The following BLTP3B variants were observed in gnomAD, a reference collection of about 807,000 sequenced individuals.
BLTP3B encodes the protein bridge-like lipid transfer protein family member 3B, also known as UHRF1 (ICBP90) binding protein 1-like.
At chr12:100,138,908 A>G in the BLTP3B span, among the ~76,000 whole-genome samples, 3 of 152,208 alleles carry the variant, frequency 2.0e-5, no homozygotes, top group Non-Finnish European at 4.4e-5. Context: ...GCTGAAAGGT[A>G]GCTTCTGCTT....
the BLTP3B span, chr12:100,104,073 C>T: frequency 1.7e-6 from 1 of 594,076 alleles, no homozygotes; most frequent in Non-Finnish European, 2.7e-6. Context: ...AATCACTTTT[C>T]TTAAACTACA....
the BLTP3B span, among the ~76,000 whole-genome samples, chr12:100,110,395 TACC>T: frequency 1.3e-5 from 2 of 152,156 alleles, no homozygotes; most frequent in Non-Finnish European, 2.9e-5. Context: ...CTTGATTCAA[TACC>T]ACGACGCTTT....
the BLTP3B span, among the ~76,000 whole-genome samples, chr12:100,085,346 C>CA: frequency 0.083 from 9,482 of 114,686 alleles, 317 homozygotes; most frequent in Middle Eastern, 0.18. Flanking sequence ...GGCCTTGGAT[C>CA]AAAAAAAAAA....
chr12:100,048,237 CAAT>C, the BLTP3B span: 7 of 1,534,152 alleles, frequency 4.6e-6, no homozygotes, highest in Non-Finnish European at 6.1e-6. Context: ...TAGCATTATT[CAAT>C]AATATTACAA....
At chr12:100,140,729 A>AAAAAATATATATATATATATATAT in the BLTP3B span, among the ~76,000 whole-genome samples, 1 of 61,506 alleles carries the variant, frequency 1.6e-5, no homozygotes, top group Non-Finnish European at 2.6e-5. Flanking sequence ...AAAAAAAAAA[A>AAAAAATATATATATATATATATAT]ATATATATAT....
the BLTP3B span, among the ~76,000 whole-genome samples, chr12:100,104,417 T>C: frequency 6.6e-6 from 1 of 151,946 alleles, no homozygotes; most frequent in African/African-American, 2.4e-5. Flanking sequence ...GTGGCTAGAC[T>C]GGTCTCTAAC....
At chr12:100,109,825 G>C in the BLTP3B span, among the ~76,000 whole-genome samples, 1 of 151,750 alleles carries the variant, frequency 6.6e-6, no homozygotes, top group Admixed American at 6.6e-5. Context: ...TTTTCCAAGG[G>C]TTTACTGTGT....
the BLTP3B span, among the ~76,000 whole-genome samples, chr12:100,108,750 TTGC>T: frequency 6.6e-6 from 1 of 152,144 alleles, no homozygotes; most frequent in Non-Finnish European, 1.5e-5. Flanking sequence ...ATCCTGTCAT[TTGC>T]AACAACATGG....
the BLTP3B span, chr12:100,086,378 G>A: frequency 5.3e-6 from 4 of 749,190 alleles, no homozygotes; most frequent in East Asian, 4.2e-5. Flanking sequence ...AAAAAGGGGG[G>A]GGGGGAAATA....
the BLTP3B span, among the ~76,000 whole-genome samples, chr12:100,041,226 C>A: frequency 6.6e-6 from 1 of 152,096 alleles, no homozygotes; most frequent in Non-Finnish European, 1.5e-5. Context: ...TCAATAGATG[C>A]AGAAAAAGCA....
At chr12:100,095,593 A>G in the BLTP3B span, 1 of 1,528,508 alleles carries the variant, frequency 6.5e-7, no homozygotes, top group Non-Finnish European at 8.8e-7. Flanking sequence ...TAAAGAAAAT[A>G]CCAACAATTC....
the BLTP3B span, among the ~76,000 whole-genome samples, chr12:100,095,093 G>A: frequency 2.0e-5 from 3 of 152,132 alleles, no homozygotes; most frequent in Non-Finnish European, 4.4e-5. Context: ...AGACCTTGAT[G>A]TACTGGTACT....
the BLTP3B span, among the ~76,000 whole-genome samples, chr12:100,060,244 GA>G: frequency 6.6e-6 from 1 of 151,964 alleles, no homozygotes; most frequent in Non-Finnish European, 1.5e-5. Flanking sequence ...ATGCCTAACT[GA>G]AAAAATGTTT....
At chr12:100,039,577 G>A in the BLTP3B span, 5 of 1,596,380 alleles carry the variant, frequency 3.1e-6, no homozygotes, top group African/African-American at 1.3e-5. Context: ...AGCTGAATCT[G>A]AATTAGGTTT....
chr12:100,051,039 G>A, the BLTP3B span: 4 of 1,600,708 alleles, frequency 2.5e-6, no homozygotes, highest in Non-Finnish European at 3.4e-6. Flanking sequence ...TAAAGTTGGT[G>A]GCATTTATCT....
the BLTP3B span, among the ~76,000 whole-genome samples, chr12:100,119,254 A>C: frequency 6.6e-6 from 1 of 152,164 alleles, no homozygotes; most frequent in Non-Finnish European, 1.5e-5. Context: ...CAAGACCTAG[A>C]AACTGAAAAC....
the BLTP3B span, among the ~76,000 whole-genome samples, chr12:100,080,605 T>C: frequency 8.7e-4 from 133 of 152,336 alleles, 1 homozygote; most frequent in South Asian, 0.025. Context: ...TTGGAATAGC[T>C]GTATTTACCC....
the BLTP3B span, among the ~76,000 whole-genome samples, chr12:100,125,786 A>C: frequency 6.6e-6 from 1 of 152,230 alleles, no homozygotes; most frequent in African/African-American, 2.4e-5. Flanking sequence ...ATTTAAACAA[A>C]TAAGAAATAG....
the BLTP3B span, among the ~76,000 whole-genome samples, chr12:100,081,552 T>A: frequency 6.6e-6 from 1 of 152,190 alleles, no homozygotes; most frequent in African/African-American, 2.4e-5. Context: ...AGTTTTTCAA[T>A]CCTCACCCTT....
Sources: allele counts gnomAD v4.1 joint callset (sites outside exome capture counted in the v4.1 genomes callset), GRCh38; gene constraint gnomAD v4.1.1; transcripts MANE v1.5; gene names NCBI Gene and HGNC (gene_info 2026-07-23, HGNC 2026-07-21).